SEC14L1: variants seen among roughly 807,000 people sequenced by gnomAD.
SEC14L1 encodes SEC14 like lipid binding 1.
In SEC14L1, 48 loss-of-function variants were observed where a neutral mutation model predicts 85.3. The ratio of observed to expected loss-of-function variants is 0.56; its 90% confidence interval spans 0.45 to 0.72. The LOEUF is 0.72. SEC14L1 is among the 30% of genes least tolerant of loss of function. The probability of loss-of-function intolerance (pLI) is 0.00; values close to 1 mark genes in which losing one functional copy is unlikely to be tolerated. For synonymous variants in SEC14L1, 391 were observed against 355.5 expected, an observed-to-expected ratio of 1.10 and a Z score of -1.12; for missense variants, 682 against 921.4, an observed-to-expected ratio of 0.74 and a Z score of 3.36.
chr17:77,192,445 T>G (rs948921611), intron 5 of SEC14L1, among the ~76,000 whole-genome samples: 2 of 152,214 alleles, frequency 1.3e-5, no homozygotes, highest in Admixed American at 1.3e-4. Flanking sequence ...TTATGGTGAC[T>G]TGCAAGGGCC....
intron 3 of SEC14L1, among the ~76,000 whole-genome samples, chr17:77,185,748 A>G (rs1975237999): frequency 6.6e-6 from 1 of 152,160 alleles, no homozygotes; most frequent in African/African-American, 2.4e-5. Flanking sequence ...GATGGTTTTC[A>G]GTGTCCGTAT....
intron 3 of SEC14L1, among the ~76,000 whole-genome samples, chr17:77,127,345 G>A (rs539399982): frequency 1.3e-5 from 2 of 151,814 alleles, no homozygotes; most frequent in Admixed American, 1.3e-4. Context: ...CAAGGGGTCT[G>A]TTTTCTTTTC....
Position 77,216,919 on chromosome 17 carries a change from A to G in SEC14L1, c.*2896A>G, listed in dbSNP as rs1977130881. The G allele has an allele frequency of 1.3e-5, 3 of 226,268 alleles. No homozygotes were observed. In the East Asian group the frequency reaches 3.1e-4, roughly 23 times the overall value. The allele number at this position is 226,268 out of a possible 1,614,324, so 14.0% of individuals were successfully genotyped here. A position where few individuals can be genotyped will look rare whatever the true frequency, so the allele number is the denominator to read the frequency against. ...CTGTCATTTCCCATTTCTTAGTACT[A>G]ATGATTCTTTGATTCTCCCTCTATT... On this transcript the variant is annotated 3_prime_UTR_variant, in exon 17 of 17. Coordinates refer to ENST00000436233, the MANE Select transcript of SEC14L1 (RefSeq NM_001143998.2).
chr17:77,203,708 T>C, intron 10 of SEC14L1, 50 bp downstream of exon 10: 1 of 1,453,390 alleles, frequency 6.9e-7, no homozygotes, highest in Non-Finnish European at 9.5e-7. Context: ...GTCACTTTTT[T>C]TCTCTGCCAG....
At chr17:77,212,323 G>A in intron 15 of SEC14L1, 122 bp downstream of exon 15, 1 of 1,390,028 alleles carries the variant, frequency 7.2e-7, no homozygotes, top group Non-Finnish European at 9.8e-7. Context: ...GGCCCTGCTT[G>A]TGGAGGAGCA....
intron 3 of SEC14L1, among the ~76,000 whole-genome samples, chr17:77,189,050 T>A (rs895679477): frequency 8.5e-5 from 13 of 152,208 alleles, no homozygotes; most frequent in African/African-American, 3.1e-4. Flanking sequence ...TAACCATTTT[T>A]AAATTTCAAT....
chr17:77,164,404 A>G (rs1016316177), intron 3 of SEC14L1, among the ~76,000 whole-genome samples: 2 of 151,920 alleles, frequency 1.3e-5, no homozygotes, highest in African/African-American at 4.8e-5. Context: ...AAACCTCCCA[A>G]TTTCCCCCCA....
chr17:77,088,737 TG>T (rs2143249901), upstream of SEC14L1: 1 of 145,414 alleles, frequency 6.9e-6, no homozygotes, highest in African/African-American at 2.6e-5. Flanking sequence ...TCTCGCCTCC[TG>T]GTGGTCGCCG....
At chr17:77,192,019 A>G (rs905910998) in intron 5 of SEC14L1, among the ~76,000 whole-genome samples, 9 of 150,872 alleles carry the variant, frequency 6.0e-5, no homozygotes. Flanking sequence ...CTGGTCTCCA[A>G]CTCCTGACCT....
At chr17:77,171,321 T>G (rs1974513272) in intron 3 of SEC14L1, among the ~76,000 whole-genome samples, 1 of 152,202 alleles carries the variant, frequency 6.6e-6, no homozygotes, top group Admixed American at 6.5e-5. Flanking sequence ...TTCTGAGCTT[T>G]CTTTGGCTCC....
intron 7 of SEC14L1, 145 bp from the exon 8 acceptor site, chr17:77,196,057 G>A: frequency 1.6e-6 from 1 of 626,000 alleles, no homozygotes. Context: ...AGTCCTCTAA[G>A]GAATCTGGTT....
In SEC14L1 at chr17:77,193,423, T is replaced by C. The variant is rs1157265184; in HGVS notation, c.348T>C (p.Val116=). Residue 116 remains valine, a splice_region_variant and synonymous_variant, in exon 6 of 17, where the codon GTT becomes GTC. Transcript: ENST00000436233. ...GAGTGCTTTCTCTTTATCTGCAGGT[T>C]CACCCTGAAAATGAAGATTGGACCT... ...VIINEHCCYT[V]HPENEDWTCF... 4 of 1,598,450 alleles carry C rather than the reference T, an allele frequency of 2.5e-6. No homozygotes were observed. The highest frequency in any genetic ancestry group is 1.7e-5 in the Admixed American group (1 of 59,304).
In SEC14L1 at chr17:77,187,032, C is replaced by T. The variant is rs559047941; in HGVS notation, c.64-3771C>T. 5.3e-5 allele frequency among the ~76,000 whole-genome samples: 8 copies of T among 152,200 alleles called. No homozygotes were observed. The South Asian group carries it at 1.7e-3, about 32-fold the overall frequency. On this transcript the variant is annotated intron_variant, in intron 3 of 16. Coordinates refer to ENST00000436233, the MANE Select transcript of SEC14L1 (RefSeq NM_001143998.2). ...TTGGAAGTTCAAAGTCTGAAATGCT[C>T]CAGATCAAAAACTTTTTGAGCACTG...
At chr17:77,138,073 G>T (rs909195509), upstream of SEC14L1, among the ~76,000 whole-genome samples, 1 of 152,124 alleles carries the variant, frequency 6.6e-6, no homozygotes. Flanking sequence ...AAATCATAGG[G>T]AGTCGGAGCT....
chr17:77,214,071 T>C lies in SEC14L1; in HGVS notation c.*48T>C. The C allele has an allele frequency of 1.3e-6, 2 of 1,583,282 alleles. No homozygotes were observed. Among genetic ancestry groups the C allele is most frequent in the South Asian group, 2.3e-5 (2 of 87,610 alleles). ...GTGCAGAGGGGACGGCCGCCCCTCC[T>C]CGGACAGCCAGCTGCACCCGCCCAC... On this transcript the variant is annotated 3_prime_UTR_variant, in exon 17 of 17. Coordinates refer to ENST00000436233, the MANE Select transcript of SEC14L1 (RefSeq NM_001143998.2).
At chr17:77,142,147 T>A (rs1452628994) in intron 1 of SEC14L1, among the ~76,000 whole-genome samples, 3 of 152,146 alleles carry the variant, frequency 2.0e-5, no homozygotes, top group Non-Finnish European at 4.4e-5. Flanking sequence ...GGCTTACTCG[T>A]GGTCACCCAG....
At chr17:77,168,187 A>T (rs1170108504) in intron 3 of SEC14L1, among the ~76,000 whole-genome samples, 1 of 152,110 alleles carries the variant, frequency 6.6e-6, no homozygotes, top group Admixed American at 6.6e-5. Context: ...GAAACAAGGG[A>T]GTATAAGGAG....
chr17:77,193,018 C>G (rs1975619326), intron 5 of SEC14L1, among the ~76,000 whole-genome samples: 1 of 152,168 alleles, frequency 6.6e-6, no homozygotes, highest in African/African-American at 2.4e-5. Context: ...ATAGCACTTA[C>G]TTATCTTTAA....
chr17:77,090,258 C>T (rs886755768), intron 2 of SEC14L1, among the ~76,000 whole-genome samples: 4 of 150,102 alleles, frequency 2.7e-5, no homozygotes, highest in Admixed American at 1.4e-4. Context: ...CGCCACTATA[C>T]TGCAGCCTGG....
Sources: allele counts gnomAD v4.1 joint callset (sites outside exome capture counted in the v4.1 genomes callset), GRCh38; gene constraint gnomAD v4.1.1; transcripts MANE v1.5; gene names NCBI Gene and HGNC (gene_info 2026-07-23, HGNC 2026-07-21).